The following ADAMTS3 variants were observed in gnomAD, a reference collection of about 807,000 sequenced individuals.
The protein encoded by ADAMTS3 is ADAM metallopeptidase with thrombospondin type 1 motif 3.
In ADAMTS3, 73 loss-of-function variants were observed where a neutral mutation model predicts 129.0. The ratio of observed to expected loss-of-function variants is 0.57; its 90% confidence interval spans 0.47 to 0.69. The LOEUF (loss-of-function observed/expected upper bound fraction) is 0.69, where lower values mean the gene tolerates loss of function less well. ADAMTS3 is among the 30% of genes least tolerant of loss of function. The pLI is 0.00. For missense variants in ADAMTS3, 1,457 were observed against 1,514.5 expected, an observed-to-expected ratio of 0.96 and a Z score of 0.63; for synonymous variants, 477 against 510.8, an observed-to-expected ratio of 0.93 and a Z score of 0.89.
intron 17 of ADAMTS3, among the ~76,000 whole-genome samples, chr4:72,302,837 G>A (rs1180573838): frequency 2.0e-5 from 3 of 152,150 alleles, no homozygotes; most frequent in Non-Finnish European, 4.4e-5. Flanking sequence ...ATAAATGATG[G>A]ATTCTGGAAG....
intron 3 of ADAMTS3, among the ~76,000 whole-genome samples, chr4:72,521,237 A>G (rs933164152): frequency 8.6e-5 from 13 of 151,936 alleles, no homozygotes; most frequent in African/African-American, 2.9e-4. Flanking sequence ...ACCTCAAGTG[A>G]CCCACCTGCC....
chr4:72,340,308 T>C (rs78677876), intron 4 of ADAMTS3, among the ~76,000 whole-genome samples: 5,650 of 109,268 alleles, frequency 0.052, 352 homozygotes, highest in African/African-American at 0.17. Flanking sequence ...GTATATACTA[T>C]ATACATAAGT....
intron 13 of ADAMTS3, among the ~76,000 whole-genome samples, chr4:72,311,482 TTAAA>T (rs1486532177): frequency 1.3e-5 from 2 of 152,132 alleles, no homozygotes; most frequent in East Asian, 3.9e-4. Flanking sequence ...AACATAGCTC[TTAAA>T]TAAATCTTAA....
intron 3 of ADAMTS3, among the ~76,000 whole-genome samples, chr4:72,462,534 A>G (rs898474365): frequency 2.6e-5 from 4 of 151,944 alleles, no homozygotes; most frequent in Non-Finnish European, 5.9e-5. Context: ...GACTGCATAT[A>G]TGATGATGGT....
chr4:72,400,787 A>G (rs973711058), intron 4 of ADAMTS3, among the ~76,000 whole-genome samples: 7 of 151,652 alleles, frequency 4.6e-5, no homozygotes, highest in African/African-American at 1.7e-4. Flanking sequence ...GCATAGATAT[A>G]CACATGGTGG....
At chr4:72,286,668 A>G (rs961312545) in intron 21 of ADAMTS3, among the ~76,000 whole-genome samples, 5 of 152,190 alleles carry the variant, frequency 3.3e-5, no homozygotes, top group African/African-American at 1.2e-4. Flanking sequence ...GTCTTCTAAT[A>G]TGTGAAAACA....
At chr4:72,429,275 T>G (rs1356857649) in intron 3 of ADAMTS3, among the ~76,000 whole-genome samples, 1 of 152,080 alleles carries the variant, frequency 6.6e-6, no homozygotes, top group Non-Finnish European at 1.5e-5. Context: ...TCGAAATACA[T>G]AATAGTCATC....
chr4:72,530,215 AATAT>A (rs377001555), intron 3 of ADAMTS3, among the ~76,000 whole-genome samples: 7 of 71,512 alleles, frequency 9.8e-5, no homozygotes, highest in Admixed American at 5.4e-4. Flanking sequence ...ATGTTATTTT[AATAT>A]ATATATATTA....
chr4:72,399,162 G>A (rs984069318), intron 4 of ADAMTS3, among the ~76,000 whole-genome samples: 3 of 152,288 alleles, frequency 2.0e-5, no homozygotes, highest in South Asian at 2.1e-4. Flanking sequence ...CTGGCCATGC[G>A]TGAGCCATCA....
chr4:72,548,315 T>C (rs11946759), intron 3 of ADAMTS3, among the ~76,000 whole-genome samples, 163 bp downstream of exon 3: 43,231 of 152,034 alleles, frequency 0.28, 6,276 homozygotes, highest in East Asian at 0.41. Context: ...TAAGCCAAAA[T>C]GCATATCTTT....
At chr4:72,471,766 T>G (rs1719080705) in intron 3 of ADAMTS3, among the ~76,000 whole-genome samples, 1 of 152,116 alleles carries the variant, frequency 6.6e-6, no homozygotes, top group African/African-American at 2.4e-5. Flanking sequence ...GCCAAGTTTA[T>G]TATAACTACT....
At chr4:72,395,743 T>C (rs1721709741) in intron 4 of ADAMTS3, among the ~76,000 whole-genome samples, 1 of 152,194 alleles carries the variant, frequency 6.6e-6, no homozygotes, top group Non-Finnish European at 1.5e-5. Flanking sequence ...CTTGAAAATT[T>C]ATAGCTCCAT....
chr4:72,345,370 A>C (rs1720252849), intron 4 of ADAMTS3, among the ~76,000 whole-genome samples: 1 of 152,184 alleles, frequency 6.6e-6, no homozygotes. Flanking sequence ...AACTTAAATA[A>C]TTGTGTTAAC....
At chr4:72,500,853 C>T (rs1719999153) in intron 3 of ADAMTS3, among the ~76,000 whole-genome samples, 1 of 152,064 alleles carries the variant, frequency 6.6e-6, no homozygotes, top group African/African-American at 2.4e-5. Context: ...ATTCCAGCAC[C>T]ATTTATTAAA....
At chr4:72,434,745 T>A (rs957188657) in intron 3 of ADAMTS3, among the ~76,000 whole-genome samples, 42 of 151,952 alleles carry the variant, frequency 2.8e-4, no homozygotes, top group African/African-American at 9.9e-4. Context: ...AGGGAGAGTA[T>A]CCTGTGTGGG....
chr4:72,464,483 A>G (rs1718866211), intron 3 of ADAMTS3, among the ~76,000 whole-genome samples: 1 of 152,004 alleles, frequency 6.6e-6, no homozygotes, highest in Non-Finnish European at 1.5e-5. Flanking sequence ...CTAAATTGTG[A>G]AATCTATTAA....
Position 72,505,127 on chromosome 4 carries a change from A to G in ADAMTS3, c.504+43351T>C, listed in dbSNP as rs529958711. On this transcript the variant is annotated intron_variant, in intron 3 of 21. Transcript: ENST00000286657. ...TGAGACCCTTTGGTGGTGTCACTAC[A>G]TTCGGATTTTTCATGGTGTCAGAAT... Among the ~76,000 whole-genome samples the G allele has an allele frequency of 3.3e-5, 5 of 152,292 alleles. No homozygotes were observed. In the East Asian group the frequency reaches 5.8e-4, roughly 18 times the overall value.
chr4:72,361,122 C>T (rs960116339), intron 4 of ADAMTS3, among the ~76,000 whole-genome samples: 2 of 151,810 alleles, frequency 1.3e-5, no homozygotes, highest in African/African-American at 4.8e-5. Context: ...CCAGAGCAAC[C>T]CTCTTTTAAG....
At chr4:72,440,288 A>G (rs1433369738) in intron 3 of ADAMTS3, among the ~76,000 whole-genome samples, 1 of 151,844 alleles carries the variant, frequency 6.6e-6, no homozygotes, top group African/African-American at 2.4e-5. Context: ...AGATATTAGT[A>G]TCTAAAAGAT....
Sources: gnomAD v4.1 joint callset for allele counts (sites outside exome capture counted in the v4.1 genomes callset) on GRCh38, gnomAD v4.1.1 for gene constraint, MANE v1.5 for transcripts, NCBI Gene and HGNC (gene_info 2026-07-23, HGNC 2026-07-21) for gene names.